CRPPA: variants seen among roughly 807,000 people sequenced by gnomAD.
CRPPA encodes the protein D-ribitol-5-phosphate cytidylyltransferase.
Under a neutral mutation model 52.0 loss-of-function variants are expected in CRPPA, and 43 were observed. That is an observed-to-expected ratio of 0.83 (90% CI 0.65 to 1.07). The LOEUF (loss-of-function observed/expected upper bound fraction) is 1.07, where lower values mean the gene tolerates loss of function less well. Among genes scored for constraint, CRPPA ranks in the 50% least tolerant of loss-of-function variants. The pLI is 0.00. For missense variants in CRPPA, 629 were observed against 551.7 expected (o/e 1.14, Z -1.40); for synonymous variants, 250 against 203.5 (o/e 1.23, Z -1.94).
intron 3 of CRPPA, among the ~76,000 whole-genome samples, chr7:16,350,512 T>C (rs533380221): frequency 6.6e-6 from 1 of 152,236 alleles, no homozygotes; most frequent in East Asian, 1.9e-4. Context: ...ACTAAAAGTG[T>C]AGTTTGGGTA....
intron 2 of CRPPA, among the ~76,000 whole-genome samples, chr7:16,399,283 C>T (rs566106370): frequency 3.0e-4 from 45 of 152,162 alleles, no homozygotes; most frequent in Non-Finnish European, 5.6e-4. Flanking sequence ...GATACACATA[C>T]GATTGACGTG....
intron 9 of CRPPA, among the ~76,000 whole-genome samples, chr7:16,119,391 A>T (rs1583369456): frequency 2.0e-5 from 3 of 152,194 alleles, no homozygotes; most frequent in African/African-American, 7.2e-5. Flanking sequence ...AAAAAAATTA[A>T]AAAAAATGCA....
chr7:16,249,911 G>C (rs1407892788), intron 8 of CRPPA, among the ~76,000 whole-genome samples: 1 of 152,166 alleles, frequency 6.6e-6, no homozygotes, highest in Non-Finnish European at 1.5e-5. Context: ...GGCTTCAGAA[G>C]GTGGGTCATA....
chr7:16,169,917 T>A (rs1003391411), intron 9 of CRPPA, among the ~76,000 whole-genome samples: 17 of 152,242 alleles, frequency 1.1e-4, no homozygotes, highest in South Asian at 2.1e-4. Flanking sequence ...TATTAAACTA[T>A]AAATAATTTA....
At chr7:16,145,272 G>A (rs1481834162) in intron 9 of CRPPA, among the ~76,000 whole-genome samples, 1 of 152,158 alleles carries the variant, frequency 6.6e-6, no homozygotes, top group African/African-American at 2.4e-5. Context: ...ATGCAGATAT[G>A]AGTGAGGAAC....
chr7:16,331,709 G>A (rs1342310249), intron 3 of CRPPA, among the ~76,000 whole-genome samples: 1 of 152,020 alleles, frequency 6.6e-6, no homozygotes, highest in Non-Finnish European at 1.5e-5. Context: ...TAGAAATGAA[G>A]AATGCCTTTG....
chr7:16,173,004 T>C (rs1291848946), intron 9 of CRPPA, among the ~76,000 whole-genome samples: 1 of 152,364 alleles, frequency 6.6e-6, no homozygotes, highest in East Asian at 1.9e-4. Context: ...CAATTTTAAA[T>C]GTGTAGTCAA....
intron 9 of CRPPA, among the ~76,000 whole-genome samples, chr7:16,159,086 T>C (rs1010759557): frequency 6.6e-6 from 1 of 152,094 alleles, no homozygotes; most frequent in Non-Finnish European, 1.5e-5. Flanking sequence ...CCACTTAGAG[T>C]GGTTACAACC....
chr7:16,245,223 T>C (rs374546742), intron 8 of CRPPA, among the ~76,000 whole-genome samples: 1 of 152,246 alleles, frequency 6.6e-6, no homozygotes, highest in East Asian at 1.9e-4. Flanking sequence ...AAACACTCTA[T>C]GTATGTATGT....
intron 9 of CRPPA, among the ~76,000 whole-genome samples, chr7:16,152,721 A>G (rs2128379268): frequency 6.6e-6 from 1 of 152,152 alleles, no homozygotes; most frequent in Middle Eastern, 3.4e-3. Context: ...GTTTAAAGTT[A>G]TGAATATGAT....
At chr7:16,112,322 G>GA (rs542411943) in intron 9 of CRPPA, among the ~76,000 whole-genome samples, 48 of 140,700 alleles carry the variant, frequency 3.4e-4, no homozygotes, top group African/African-American at 4.9e-4. Flanking sequence ...CTCTCAAAAG[G>GA]AAAAAAAAAA....
At chr7:16,368,703 C>T (rs17169442) in intron 3 of CRPPA, among the ~76,000 whole-genome samples, 15,397 of 152,038 alleles carry the variant, frequency 0.1, 936 homozygotes, top group East Asian at 0.24. Flanking sequence ...TTTTTAGTGA[C>T]CCTTTAAAGC....
Position 16,286,073 on chromosome 7 carries a change from ATATAT to A in CRPPA, c.836-7852_836-7848del, listed in dbSNP as rs1784435956. Reference sequence around the variant, plus strand: ...TATATATATATATATATATATATATATATATATAATATTTAAAAAAAAAAATATAT... The same window carrying A: ...TATATATATATATATATATATATATAATAATATTTAAAAAAAAAAATATAT... On this transcript the variant is annotated intron_variant, in intron 5 of 9. Transcript: ENST00000407010. Among the ~76,000 whole-genome samples, 10 of 33,864 alleles carry A rather than the reference ATATAT, an allele frequency of 3.0e-4. 1 individual carries two copies. Among genetic ancestry groups the A allele is most frequent in the African/African-American group, 1.3e-3 (10 of 7,812 alleles). 22.2% of individuals were successfully genotyped at this position (33,864 alleles called of 152,430 possible).
intron 9 of CRPPA, among the ~76,000 whole-genome samples, chr7:16,152,075 T>A (rs1562528018): frequency 1.3e-5 from 2 of 151,940 alleles, no homozygotes; most frequent in Non-Finnish European, 2.9e-5. Context: ...AATTTTTAAA[T>A]CACCACAAAT....
chr7:16,413,098 C>A (rs573381060), intron 1 of CRPPA, among the ~76,000 whole-genome samples: 1 of 152,140 alleles, frequency 6.6e-6, no homozygotes, highest in Non-Finnish European at 1.5e-5. Context: ...CCATGGCAGC[C>A]TTCACGGAAA....
At chr7:16,416,623 G>A (rs7811104) in intron 1 of CRPPA, among the ~76,000 whole-genome samples, 6 of 151,578 alleles carry the variant, frequency 4.0e-5, no homozygotes, top group Non-Finnish European at 7.4e-5. Flanking sequence ...TCACCTGAGC[G>A]CAGGAGCTCA....
chr7:16,136,966 CA>C (rs1782774988), intron 9 of CRPPA, among the ~76,000 whole-genome samples: 2 of 152,208 alleles, frequency 1.3e-5, no homozygotes, highest in Admixed American at 1.3e-4. Flanking sequence ...ATATTAAAAA[CA>C]ACAAAATCAA....
intron 3 of CRPPA, among the ~76,000 whole-genome samples, chr7:16,327,284 G>C (rs1301010893): frequency 6.6e-6 from 1 of 152,108 alleles, no homozygotes; most frequent in Non-Finnish European, 1.5e-5. Flanking sequence ...CATGCATCCT[G>C]TGCAGACAGG....
intron 3 of CRPPA, among the ~76,000 whole-genome samples, chr7:16,359,349 T>C (rs1465321871): frequency 6.6e-6 from 1 of 152,206 alleles, no homozygotes; most frequent in African/African-American, 2.4e-5. Flanking sequence ...AGTACACATG[T>C]AATTCACAGC....
Sources: allele counts gnomAD v4.1 joint callset (sites outside exome capture counted in the v4.1 genomes callset), GRCh38; gene constraint gnomAD v4.1.1; transcripts MANE v1.5; gene names NCBI Gene and HGNC (gene_info 2026-07-23, HGNC 2026-07-21).